Variants in RNF130 observed in about 807,000 individuals in gnomAD.
RNF130 encodes the protein E3 ubiquitin-protein ligase RNF130.
A neutral mutation model predicts 44.6 loss-of-function variants in RNF130; 21 were observed. The ratio of observed to expected loss-of-function variants is 0.47; its 90% CI spans 0.33 to 0.68. The LOEUF is 0.68. RNF130 is among the 30% of genes least tolerant of loss of function. RNF130 has a pLI of 0.02. For missense variants in RNF130, 479 were observed against 560.6 expected (o/e 0.85, Z 1.47); for synonymous variants, 214 against 210.4 (o/e 1.02, Z -0.15).
chr5:179,926,317 C>T (rs1169033260), intron 7 of RNF130, among the ~76,000 whole-genome samples: 4 of 152,192 alleles, frequency 2.6e-5, no homozygotes, highest in African/African-American at 7.2e-5. Flanking sequence ...TTTTCTGACA[C>T]GTCTCTTCAT....
chr5:180,016,199 G>A (rs186835850), intron 2 of RNF130, among the ~76,000 whole-genome samples: 8 of 152,090 alleles, frequency 5.3e-5, no homozygotes, highest in African/African-American at 1.7e-4. Flanking sequence ...AGAATCTGGC[G>A]AAAGTTATAT....
intron 1 of RNF130, among the ~76,000 whole-genome samples, chr5:180,044,159 T>C (rs1167719897): frequency 1.3e-5 from 2 of 152,192 alleles, no homozygotes; most frequent in African/African-American, 4.8e-5. Context: ...CTTTAAAATT[T>C]GTCAATAGCA....
At chr5:179,944,134 G>C (rs1240213683) in intron 7 of RNF130, among the ~76,000 whole-genome samples, 1 of 150,890 alleles carries the variant, frequency 6.6e-6, no homozygotes, top group East Asian at 1.9e-4. Flanking sequence ...ACCATGCCTA[G>C]CTTTTTGTAT....
chr5:180,040,057 A>G (rs1396792982), intron 2 of RNF130, among the ~76,000 whole-genome samples: 1 of 152,244 alleles, frequency 6.6e-6, no homozygotes, highest in Non-Finnish European at 1.5e-5. Flanking sequence ...AATTATATTA[A>G]TTACTAAGTC....
intron 1 of RNF130, among the ~76,000 whole-genome samples, chr5:180,060,934 T>TGGTGGGCG (rs1764969070): frequency 6.7e-6 from 1 of 150,144 alleles, no homozygotes; most frequent in Non-Finnish European, 1.5e-5. Flanking sequence ...CTGGGCGAGG[T>TGGTGGGCG]AGTGGGCGCC....
rs1762467086 is a variant in RNF130 at position 179,967,002 on chromosome 5, C to T, written c.954G>A (p.Leu318=). The T allele has an allele frequency of 1.9e-6, 3 of 1,611,636 alleles. No homozygotes were observed. The South Asian group carries it at 3.3e-5, about 18-fold the overall frequency. The change falls in exon 7 of 9, where the codon TTG becomes TTA. Residue 318 remains leucine (L), a synonymous_variant. Coordinates refer to ENST00000521389, the MANE Select transcript of RNF130 (RefSeq NM_018434.6). ...CGAATGCTACGTTATCAGTACATGGCAAATTCGGCTGCAAAATATTTCCAG... is the reference window on the plus strand; with the variant it reads ...CGAATGCTACGTTATCAGTACATGGTAAATTCGGCTGCAAAATATTTCCAG... The part of the protein sequence containing the change: ...ILKALGIVPN[L]PCTDNVAFDM...
At chr5:179,987,227 G>A (rs1203811718) in intron 3 of RNF130, among the ~76,000 whole-genome samples, 1 of 151,934 alleles carries the variant, frequency 6.6e-6, no homozygotes, top group African/African-American at 2.4e-5. Context: ...GAGTGTAGTG[G>A]TGTGATCATG....
At chr5:180,015,164 TA>T (rs1763688978) in intron 2 of RNF130, 1 of 276,054 alleles carries the variant, frequency 3.6e-6, no homozygotes. Context: ...AATAAACATC[TA>T]ATTAATATCT....
rs74347382 is a variant in RNF130 at position 180,053,650 on chromosome 5, G to A, written c.248-13003C>T. Among the ~76,000 whole-genome samples the A allele has an allele frequency of 2.6e-3, 399 of 152,132 alleles. 1 individual carries two copies. Among genetic ancestry groups the A allele is most frequent in the Non-Finnish European group, 4.2e-3 (286 of 68,006 alleles). On this transcript the variant is annotated intron_variant, in intron 1 of 8. Transcript: ENST00000521389. The stretch of plus-strand genomic sequence containing the variant: ...TTTTTAAGTATATTCAGAGCAAGAA[G>A]AGTTGGAAAGAAATAGGTTTACTGC...
In RNF130 at chr5:179,966,920, G is replaced by C; in HGVS notation, c.1036C>G (p.Leu346Val). The C allele has an allele frequency of 1.9e-6, 3 of 1,614,240 alleles. No individual in the cohort carries two copies. The highest frequency in any genetic ancestry group is 1.7e-5 in the Admixed American group (1 of 60,032). Residue 346 changes from leucine to valine, a missense_variant, in exon 7 of 9, where the codon CTC becomes GTC. Physicochemically the swap from Leu to Val is conservative, Grantham distance 32. This residue lies in a region of RNF130 where 161 missense variants were observed against 158.6 expected (regional missense o/e 1.02). Transcript: ENST00000521389. ...AVNRRSALGD[L>V]AGDNSLGLEP... The stretch of plus-strand genomic sequence containing the variant: ...AGGCCAAGGGAGTTGTCGCCGGCGA[G>C]GTCGCCGAGGGCTGATCTTCGGTTA...
At chr5:179,938,506 T>C (rs1359255559) in intron 7 of RNF130, among the ~76,000 whole-genome samples, 1 of 152,166 alleles carries the variant, frequency 6.6e-6, no homozygotes, top group African/African-American at 2.4e-5. Flanking sequence ...CACCCCACTG[T>C]GAATATACTA....
rs1312881519 is a variant in RNF130 at position 179,955,366 on chromosome 5, G to A, written c.*288C>T. The A allele has an allele frequency of 8.7e-6, 3 of 345,944 alleles. No individual in the cohort carries two copies. The highest frequency in any genetic ancestry group is 1.6e-5 in the Non-Finnish European group (3 of 190,374). 21.4% of individuals were successfully genotyped at this position (345,944 alleles called of 1,614,324 possible). A position where few individuals can be genotyped will look rare whatever the true frequency, so the allele number is the denominator to read the frequency against. On this transcript the variant is annotated 3_prime_UTR_variant, in exon 9 of 9. Coordinates refer to ENST00000521389, the MANE Select transcript of RNF130 (RefSeq NM_018434.6). ...AAGTGTCAATCCCTGTTCCTCTCAC[G>A]GGAGCCAGGAGCACATTCTGTCTCT...
At chr5:179,940,873 C>T (rs771279708) in intron 7 of RNF130, among the ~76,000 whole-genome samples, 8 of 152,032 alleles carry the variant, frequency 5.3e-5, no homozygotes, top group Non-Finnish European at 8.8e-5. Flanking sequence ...AAGACTCATG[C>T]CTTTTTCTGT....
chr5:179,941,750 T>C (rs987136473), intron 7 of RNF130, among the ~76,000 whole-genome samples: 1 of 152,182 alleles, frequency 6.6e-6, no homozygotes, highest in Admixed American at 6.5e-5. Flanking sequence ...AAATACTTTT[T>C]CCATATTTCT....
At chr5:180,001,125 C>T (rs1009067930) in intron 3 of RNF130, among the ~76,000 whole-genome samples, 3 of 152,178 alleles carry the variant, frequency 2.0e-5, no homozygotes, top group African/African-American at 7.2e-5. Context: ...TGTGCAGTTT[C>T]AGCTGAATTC....
At chr5:180,048,982 T>C (rs1764630199) in intron 1 of RNF130, among the ~76,000 whole-genome samples, 1 of 152,254 alleles carries the variant, frequency 6.6e-6, no homozygotes. Context: ...ACTTAAAGCA[T>C]GTGGCTGCAT....
At chr5:179,996,910 T>A (rs191810701) in intron 3 of RNF130, among the ~76,000 whole-genome samples, 3 of 152,316 alleles carry the variant, frequency 2.0e-5, no homozygotes, top group Admixed American at 2.0e-4. Flanking sequence ...CTTTAAATGT[T>A]TGGCAGAATT....
chr5:179,945,588 G>T (rs1224631040), intron 7 of RNF130, among the ~76,000 whole-genome samples: 1 of 152,134 alleles, frequency 6.6e-6, no homozygotes, highest in African/African-American at 2.4e-5. Flanking sequence ...GGTCAAGCAG[G>T]ACTCACACCG....
intron 1 of RNF130, among the ~76,000 whole-genome samples, chr5:180,060,311 G>A (rs1000941089): frequency 6.6e-6 from 1 of 152,236 alleles, no homozygotes; most frequent in Non-Finnish European, 1.5e-5. Context: ...CCAAGGCTAA[G>A]CCATGAAAGA....
Sources: gnomAD v4.1 joint callset for allele counts (sites outside exome capture counted in the v4.1 genomes callset) on GRCh38, gnomAD v4.1.1 for gene constraint, gnomAD v4.1.1 regional missense constraint, MANE v1.5 for transcripts, NCBI Gene and HGNC (gene_info 2026-07-23, HGNC 2026-07-21) for gene names.